Variants in FMNL2 observed in about 807,000 individuals in gnomAD.
FMNL2 encodes formin-like protein 2.
A neutral mutation model predicts 130.2 loss-of-function variants in FMNL2; 51 were observed. That is an observed-to-expected ratio of 0.39 (90% CI 0.31 to 0.49). The LOEUF is 0.49. Among genes scored for constraint, FMNL2 ranks in the 20% least tolerant of loss-of-function variants. FMNL2 has a pLI of 0.85. For synonymous variants in FMNL2, 465 were observed against 467.1 expected (o/e 1.00, Z 0.06); for missense variants, 977 against 1,316.2 (o/e 0.74, Z 3.99).
Position 152,454,239 on chromosome 2 carries a change from T to C in FMNL2, c.118-67704T>C, listed in dbSNP as rs113502850. Among the ~76,000 whole-genome samples, 1,235 of 152,294 alleles carry C rather than the reference T, an allele frequency of 8.1e-3. 11 individuals are homozygous for C. The highest frequency in any genetic ancestry group is 0.025 in the African/African-American group (1,048 of 41,570). ...TTGAAGTGAGCCAATAGCATACCAC[T>C]GCATTCCAGCCTGGGCCACAGAGCA... On this transcript the variant is annotated intron_variant, in intron 1 of 25. Coordinates refer to ENST00000288670, the MANE Select transcript of FMNL2 (RefSeq NM_052905.4).
intron 4 of FMNL2, among the ~76,000 whole-genome samples, chr2:152,551,274 C>A (rs1694923174): frequency 6.6e-6 from 1 of 152,094 alleles, no homozygotes; most frequent in Non-Finnish European, 1.5e-5. Flanking sequence ...GGGTTGAAGC[C>A]AGTGCAGTCT....
chr2:152,551,318 C>T (rs555411174), intron 4 of FMNL2, among the ~76,000 whole-genome samples: 20 of 152,226 alleles, frequency 1.3e-4, no homozygotes, highest in African/African-American at 4.8e-4. Flanking sequence ...GTTGAGGATA[C>T]TATAGGCATA....
chr2:152,535,698 A>G (rs940824973), intron 2 of FMNL2, among the ~76,000 whole-genome samples: 1 of 152,232 alleles, frequency 6.6e-6, no homozygotes, highest in East Asian at 1.9e-4. Context: ...AGATGTTTTC[A>G]TCCAATAATG....
intron 11 of FMNL2, among the ~76,000 whole-genome samples, chr2:152,613,411 A>G (rs529133983): frequency 3.0e-4 from 45 of 152,304 alleles, no homozygotes; most frequent in African/African-American, 1.0e-3. Flanking sequence ...TGTGAATCTC[A>G]TGAAAAATCC....
At chr2:152,600,905 A>G (rs2105816096) in intron 9 of FMNL2, among the ~76,000 whole-genome samples, 1 of 152,228 alleles carries the variant, frequency 6.6e-6, no homozygotes, top group South Asian at 2.1e-4. Flanking sequence ...TATGTTTGGT[A>G]TTCAGGGCCA....
chr2:152,497,104 C>T (rs760399071), intron 1 of FMNL2, among the ~76,000 whole-genome samples: 1 of 152,042 alleles, frequency 6.6e-6, no homozygotes, highest in African/African-American at 2.4e-5. Context: ...CATATGCACA[C>T]GTTTGTATCT....
chr2:152,593,325 T>G (rs1221091717), intron 9 of FMNL2, among the ~76,000 whole-genome samples: 1 of 152,196 alleles, frequency 6.6e-6, no homozygotes, highest in Admixed American at 6.5e-5. Flanking sequence ...AATTCACAGT[T>G]ACATAATACT....
chr2:152,398,530 A>G (rs1377317216), intron 1 of FMNL2, among the ~76,000 whole-genome samples: 2 of 152,140 alleles, frequency 1.3e-5, no homozygotes, highest in Non-Finnish European at 2.9e-5. Flanking sequence ...TGATTTTTGG[A>G]TGATTAACAT....
At chr2:152,493,625 T>G (rs917506942) in intron 1 of FMNL2, among the ~76,000 whole-genome samples, 1 of 150,806 alleles carries the variant, frequency 6.6e-6, no homozygotes, top group Admixed American at 6.6e-5. Context: ...CTAGCCCTAT[T>G]AGTTCATGCA....
Position 152,523,191 on chromosome 2 carries a change from TAAGA to T in FMNL2, c.201+1166_201+1169del, listed in dbSNP as rs200291579. On this transcript the variant is annotated intron_variant, in intron 2 of 25. Transcript: ENST00000288670. ...TGATTTCCAAAAGAAACTATATAAA[TAAGA>T]GTGTGAGGACTTATGGAGAAATTAT... is the stretch of plus-strand genomic sequence containing the variant. Among the ~76,000 whole-genome samples, 1,262 of 152,244 alleles carry T rather than the reference TAAGA, an allele frequency of 8.3e-3. 17 individuals carry two copies. Among genetic ancestry groups the T allele is most frequent in the African/African-American group, 0.029 (1,188 of 41,538 alleles).
intron 11 of FMNL2, among the ~76,000 whole-genome samples, chr2:152,614,039 T>C (rs1698819888): frequency 6.6e-6 from 1 of 152,140 alleles, no homozygotes; most frequent in South Asian, 2.1e-4. Flanking sequence ...TAGCAATTTG[T>C]GCTAAAATAA....
At chr2:152,480,090 C>A (rs528019680) in intron 1 of FMNL2, among the ~76,000 whole-genome samples, 1 of 152,196 alleles carries the variant, frequency 6.6e-6, no homozygotes, top group Admixed American at 6.5e-5. Flanking sequence ...AGAAACTATG[C>A]CCCAGCTACC....
rs915486996 is a variant in FMNL2 at position 152,490,244 on chromosome 2, G to A, written c.118-31699G>A. Among the ~76,000 whole-genome samples, 2 of 151,708 alleles carry A rather than the reference G, an allele frequency of 1.3e-5. 1 individual carries two copies. Among genetic ancestry groups the A allele is most frequent in the South Asian group, 4.2e-4 (2 of 4,804 alleles). On this transcript the variant is annotated intron_variant, in intron 1 of 25. Coordinates refer to ENST00000288670, the MANE Select transcript of FMNL2 (RefSeq NM_052905.4). ...GAGCATGAGGCCAGCAGTAGGGAAT[G>A]AGTTTACAATAAATAAGGTGTGAGA...
intron 15 of FMNL2, among the ~76,000 whole-genome samples, chr2:152,623,484 G>A (rs994483149): frequency 2.0e-5 from 3 of 152,080 alleles, no homozygotes; most frequent in African/African-American, 7.2e-5. Flanking sequence ...TTTTCTGCAT[G>A]CTTTTGTGTG....
At chr2:152,416,144 G>T (rs889017085) in intron 1 of FMNL2, among the ~76,000 whole-genome samples, 1 of 152,112 alleles carries the variant, frequency 6.6e-6, no homozygotes, top group Non-Finnish European at 1.5e-5. Flanking sequence ...ATAGTGTTAT[G>T]GACATACGGC....
chr2:152,358,093 A>C (rs1330668788), intron 1 of FMNL2, among the ~76,000 whole-genome samples: 1 of 152,164 alleles, frequency 6.6e-6, no homozygotes, highest in Non-Finnish European at 1.5e-5. Flanking sequence ...GAGTCTGCTG[A>C]GTCTGCCGAG....
At chr2:152,495,009 T>G (rs191195384) in intron 1 of FMNL2, among the ~76,000 whole-genome samples, 22 of 152,308 alleles carry the variant, frequency 1.4e-4, no homozygotes, top group African/African-American at 4.8e-4. Flanking sequence ...ATAGCTCAGT[T>G]TAATTAACAG....
In FMNL2 at chr2:152,402,186, G is replaced by T. The variant is rs144061151; in HGVS notation, c.117+66466G>T. Among the ~76,000 whole-genome samples the T allele has an allele frequency of 2.3e-3, 348 of 152,294 alleles. 3 individuals carry two copies. Among genetic ancestry groups the T allele is most frequent in the African/African-American group, 7.8e-3 (325 of 41,564 alleles). ...CAAAGTGCTGAGATTACAGGCGTGA[G>T]CCACTACGCCCGGCCGTGTTTGATC... is the stretch of plus-strand genomic sequence containing the variant. On this transcript the variant is annotated intron_variant, in intron 1 of 25. Coordinates refer to ENST00000288670, the MANE Select transcript of FMNL2 (RefSeq NM_052905.4).
intron 1 of FMNL2, among the ~76,000 whole-genome samples, chr2:152,498,149 ACC>A (rs1342608566): frequency 1.3e-5 from 2 of 152,166 alleles, no homozygotes; most frequent in African/African-American, 4.8e-5. Context: ...CATACTCATA[ACC>A]TATCTACAGT....
Sources: allele counts gnomAD v4.1 joint callset (sites outside exome capture counted in the v4.1 genomes callset), GRCh38; gene constraint gnomAD v4.1.1; transcripts MANE v1.5; gene names NCBI Gene and HGNC (gene_info 2026-07-23, HGNC 2026-07-21).